Variants in FILIP1 observed in about 807,000 individuals in gnomAD.
FILIP1 encodes the protein filamin A interacting protein 1.
In FILIP1, 61 loss-of-function variants were observed where a neutral mutation model predicts 102.1. The ratio of observed to expected loss-of-function variants is 0.60; its 90% CI spans 0.49 to 0.74. The LOEUF is 0.74. Among genes scored for constraint, FILIP1 ranks in the 30% least tolerant of loss-of-function variants. FILIP1 has a pLI of 0.00. For synonymous variants in FILIP1, 491 were observed against 526.9 expected, an observed-to-expected ratio of 0.93 and a Z score of 0.93; for missense variants, 1,314 against 1,441.2, an observed-to-expected ratio of 0.91 and a Z score of 1.43.
intron 1 of FILIP1, among the ~76,000 whole-genome samples, chr6:75,441,637 G>C (rs1257541144): frequency 1.3e-5 from 2 of 148,748 alleles, no homozygotes; most frequent in African/African-American, 2.5e-5. Flanking sequence ...CCTCCCGGAC[G>C]GGGCGGCTGG....
chr6:75,316,046 G>T (rs1474415852), intron 4 of FILIP1, among the ~76,000 whole-genome samples: 3 of 152,084 alleles, frequency 2.0e-5, no homozygotes, highest in Non-Finnish European at 4.4e-5. Flanking sequence ...TAGATAGCAA[G>T]AAAATCTGTA....
chr6:75,436,386 A>G (rs531307738), intron 1 of FILIP1, among the ~76,000 whole-genome samples: 50 of 151,908 alleles, frequency 3.3e-4, no homozygotes, highest in Middle Eastern at 3.4e-3. Flanking sequence ...AAAAAAGAAG[A>G]CACTTCTGCA....
At chr6:75,365,128 G>A (rs866664620) in intron 2 of FILIP1, among the ~76,000 whole-genome samples, 4 of 152,090 alleles carry the variant, frequency 2.6e-5, no homozygotes, top group Middle Eastern at 3.4e-3. Flanking sequence ...ATTTTCTAAG[G>A]TTCATTTTTC....
intron 2 of FILIP1, among the ~76,000 whole-genome samples, chr6:75,371,945 A>G (rs562066492): frequency 6.6e-6 from 1 of 152,396 alleles, no homozygotes; most frequent in East Asian, 1.9e-4. Flanking sequence ...CAACAAAAGA[A>G]AAACATATAA....
chr6:75,319,123 C>CT, intron 4 of FILIP1: 1 of 727,722 alleles, frequency 1.4e-6, no homozygotes, highest in Non-Finnish European at 2.5e-6. Flanking sequence ...CTTTTTCTTG[C>CT]TTTTTTCAGA....
chr6:75,302,823 C>CATGATATGATATGATATGAT (rs61429237), intron 6 of FILIP1, among the ~76,000 whole-genome samples: 27 of 149,216 alleles, frequency 1.8e-4, no homozygotes, highest in East Asian at 8.0e-4. Flanking sequence ...TATGATATGA[C>CATGATATGATATGATATGAT]ATGATATGAT....
chr6:75,352,230 T>C (rs1178221674), intron 4 of FILIP1, among the ~76,000 whole-genome samples: 1 of 152,212 alleles, frequency 6.6e-6, no homozygotes, highest in East Asian at 1.9e-4. Flanking sequence ...TGTAACTAAA[T>C]AGATAATAAA....
rs373457338 is a variant in FILIP1, at chr6:75,308,778, C to T, written c.3555G>A (p.Glu1185=). The part of the protein sequence containing the change: ...APGAGNLTKF[E]PRAETQSMKI... ...TCATAGACTGAGTCTCAGCTCGAGG[C>T]TCGAATTTGGTCAGATTTCCTGCTC... Residue 1185 remains glutamate (E), a synonymous_variant, in exon 6 of 6, where the codon GAG becomes GAA. Coordinates refer to ENST00000237172, the MANE Select transcript of FILIP1 (RefSeq NM_015687.5). 1.9e-6 allele frequency: 3 copies of T among 1,613,942 alleles called. No individual in the cohort carries two copies. Among genetic ancestry groups the T allele is most frequent in the Non-Finnish European group, 2.5e-6 (3 of 1,180,020 alleles).
chr6:75,329,425 C>T (rs538977289), intron 4 of FILIP1, among the ~76,000 whole-genome samples: 137 of 152,282 alleles, frequency 9.0e-4, no homozygotes, highest in African/African-American at 3.2e-3. Context: ...CATCGGACCC[C>T]GTTTTGCAAC....
At chr6:75,403,676 G>C (rs1054694806) in intron 2 of FILIP1, among the ~76,000 whole-genome samples, 2 of 152,080 alleles carry the variant, frequency 1.3e-5, no homozygotes, top group South Asian at 2.1e-4. Context: ...AAAAAATGTA[G>C]AGACTGCCTG....
chr6:75,450,112 A>T (rs1055412195), intron 1 of FILIP1, among the ~76,000 whole-genome samples: 1 of 151,940 alleles, frequency 6.6e-6, no homozygotes, highest in Non-Finnish European at 1.5e-5. Flanking sequence ...ATTACTTTTT[A>T]AAAATTTTTT....
chr6:75,462,771 G>T (rs1582545588), intron 1 of FILIP1, among the ~76,000 whole-genome samples: 1 of 152,034 alleles, frequency 6.6e-6, no homozygotes, highest in Non-Finnish European at 1.5e-5. Flanking sequence ...ATTGCTTTCT[G>T]GGGGTGCAGA....
intron 1 of FILIP1, among the ~76,000 whole-genome samples, chr6:75,461,464 T>C (rs1203088093): frequency 1.3e-5 from 2 of 152,204 alleles, no homozygotes; most frequent in African/African-American, 4.8e-5. Flanking sequence ...TCATATGGAT[T>C]TTTTTCAGTC....
At position 75,441,573 on chromosome 6, in the gene FILIP1, CT is replaced by C. The variant is rs1778230437; in HGVS notation, c.-6-26596del. Among the ~76,000 whole-genome samples, 3 of 151,886 alleles carry C rather than the reference CT, an allele frequency of 2.0e-5. No homozygotes were observed. In the South Asian group the frequency reaches 6.2e-4, roughly 31 times the overall value. On this transcript the variant is annotated intron_variant, in intron 1 of 5. Coordinates refer to ENST00000237172, the MANE Select transcript of FILIP1 (RefSeq NM_015687.5). ...TAGGGGCGGCCGGGCAGAGGCGCCC[CT>C]CTCCTCCCGGACGGGGCGGCTGGCC...
chr6:75,433,262 C>T (rs1777890780), intron 1 of FILIP1, among the ~76,000 whole-genome samples: 3 of 152,178 alleles, frequency 2.0e-5, no homozygotes, highest in Admixed American at 1.3e-4. Flanking sequence ...CACTGTCTTC[C>T]ACAGTGATTG....
chr6:75,317,447 A>C lies in FILIP1; in HGVS notation c.630-2245T>G, dbSNP rs140125547. ...TACATGAATGTAATAAAGCACAAAA[A>C]GATAAGAACTATTGTATATGCTATT... On this transcript the variant is annotated intron_variant, in intron 4 of 5. Coordinates refer to ENST00000237172, the MANE Select transcript of FILIP1 (RefSeq NM_015687.5). Among the ~76,000 whole-genome samples the C allele has an allele frequency of 7.2e-5, 11 of 152,376 alleles. No homozygotes were observed. The East Asian group carries it at 2.1e-3, about 29-fold the overall frequency.
chr6:75,323,570 G>C (rs1310700712), intron 4 of FILIP1, among the ~76,000 whole-genome samples: 2 of 152,292 alleles, frequency 1.3e-5, no homozygotes, highest in African/African-American at 4.8e-5. Context: ...ATTTCAGGTG[G>C]TGTTAGAGGG....
chr6:75,461,477 T>C (rs1779021484), intron 1 of FILIP1, among the ~76,000 whole-genome samples: 2 of 152,150 alleles, frequency 1.3e-5, no homozygotes, highest in Admixed American at 6.5e-5. Flanking sequence ...TTTCAGTCAA[T>C]GTAATATTTG....
chr6:75,441,630 C>CCCGGACGGGGCGGCTGG (rs1778238448), intron 1 of FILIP1, among the ~76,000 whole-genome samples: 1 of 148,960 alleles, frequency 6.7e-6, no homozygotes, highest in Non-Finnish European at 1.5e-5. Flanking sequence ...CGACCTCCCT[C>CCCGGACGGGGCGGCTGG]CCGGACGGGG....
Sources: allele counts gnomAD v4.1 joint callset (sites outside exome capture counted in the v4.1 genomes callset), GRCh38; gene constraint gnomAD v4.1.1; transcripts MANE v1.5; gene names NCBI Gene and HGNC (gene_info 2026-07-23, HGNC 2026-07-21).